MARCHF11: variants seen among roughly 807,000 people sequenced by gnomAD.
The protein encoded by MARCHF11 is membrane associated ring-CH-type finger 11.
In MARCHF11, 29 loss-of-function variants were observed where a neutral mutation model predicts 37.3. The observed-to-expected ratio is 0.78, with a 90% CI of 0.58 to 1.06. The LOEUF is 1.06. MARCHF11 is among the 50% of genes least tolerant of loss of function. The pLI is 0.00. For synonymous variants in MARCHF11, 233 were observed against 228.0 expected, an observed-to-expected ratio of 1.02 and a Z score of -0.20; for missense variants, 482 against 533.4, an observed-to-expected ratio of 0.90 and a Z score of 0.95.
At chr5:16,132,468 G>A (rs1737534007) in intron 2 of MARCHF11, among the ~76,000 whole-genome samples, 1 of 152,124 alleles carries the variant, frequency 6.6e-6, no homozygotes, top group African/African-American at 2.4e-5. Context: ...TGCCTGACAT[G>A]GCACAGTCAA....
chr5:16,122,563 T>C (rs1737328925), intron 2 of MARCHF11, among the ~76,000 whole-genome samples: 1 of 152,206 alleles, frequency 6.6e-6, no homozygotes, highest in South Asian at 2.1e-4. Context: ...CCACCTTGTC[T>C]TTCTATCTTA....
intron 2 of MARCHF11, among the ~76,000 whole-genome samples, chr5:16,096,502 T>C (rs929022583): frequency 5.9e-5 from 9 of 152,198 alleles, no homozygotes; most frequent in African/African-American, 1.9e-4. Flanking sequence ...TGGCCCAGAA[T>C]TGGGTATCTT....
intron 2 of MARCHF11, among the ~76,000 whole-genome samples, chr5:16,109,747 A>C (rs1285376464): frequency 6.6e-6 from 1 of 152,194 alleles, no homozygotes; most frequent in Non-Finnish European, 1.5e-5. Context: ...AAGTGGGGGC[A>C]GTCTTGTTGG....
At chr5:16,085,953 A>AT (rs1290372620) in intron 3 of MARCHF11, among the ~76,000 whole-genome samples, 3 of 132,820 alleles carry the variant, frequency 2.3e-5, no homozygotes, top group Non-Finnish European at 4.8e-5. Flanking sequence ...AAAAAAAAAA[A>AT]AAAAAAAAAA....
chr5:16,126,215 G>A (rs1362840240), intron 2 of MARCHF11, among the ~76,000 whole-genome samples: 1 of 152,092 alleles, frequency 6.6e-6, no homozygotes, highest in Non-Finnish European at 1.5e-5. Flanking sequence ...TTTAAGCTGG[G>A]GTAGTGAGTG....
chr5:16,096,091 T>C lies in MARCHF11; in HGVS notation c.694-5010A>G, dbSNP rs574124915. 2.6e-5 allele frequency among the ~76,000 whole-genome samples: 4 copies of C among 152,312 alleles called. No individual in the cohort carries two copies. In the East Asian group the frequency reaches 5.8e-4, roughly 22 times the overall value. ...GTTCTTTCTAAAATGCCCTTCTCTC[T>C]GCCTACTCTCTCTGCTCTCACTCCT... On this transcript the variant is annotated intron_variant, in intron 2 of 3. Coordinates refer to ENST00000332432, the MANE Select transcript of MARCHF11 (RefSeq NM_001102562.3).
intron 3 of MARCHF11, among the ~76,000 whole-genome samples, chr5:16,068,367 C>A (rs1736383463): frequency 6.6e-6 from 1 of 152,146 alleles, no homozygotes; most frequent in Non-Finnish European, 1.5e-5. Context: ...TGAATATTAT[C>A]CCATGTAGTA....
At position 16,179,370 on chromosome 5, in the gene MARCHF11, A is replaced by C; in HGVS notation, c.206T>G (p.Leu69Arg). 3.4e-6 allele frequency: 4 copies of C among 1,162,460 alleles called. No individual in the cohort carries two copies. The highest frequency in any genetic ancestry group is 4.0e-5 in the East Asian group (1 of 25,080). 72.0% of individuals were successfully genotyped at this position (1,162,460 alleles called of 1,614,324 possible). The change falls in exon 1 of 4, where the codon CTA becomes CGA. Residue 69 changes from leucine (L) to arginine (R), a missense_variant. Physicochemically the swap from Leu to Arg is moderately radical, Grantham distance 102. Coordinates refer to ENST00000332432, the MANE Select transcript of MARCHF11 (RefSeq NM_001102562.3). Reference protein sequence around the residue: ...PERAAGPSEPLGEVAPRCRGA... With the variant: ...PERAAGPSEPRGEVAPRCRGA... ...CCTGCACCGCGGGGCCACCTCCCCT[A>C]GCGGCTCGCTTGGCCCCGCGGCGCG...
intron 2 of MARCHF11, among the ~76,000 whole-genome samples, chr5:16,156,374 G>C (rs929275490): frequency 6.6e-6 from 1 of 151,848 alleles, no homozygotes; most frequent in African/African-American, 2.4e-5. Context: ...TACATAGTTA[G>C]CACCTTATTT....
At chr5:16,159,358 T>C (rs188772667) in intron 2 of MARCHF11, among the ~76,000 whole-genome samples, 132 of 152,036 alleles carry the variant, frequency 8.7e-4, no homozygotes, top group Middle Eastern at 3.4e-3. Flanking sequence ...CTTCTACCTT[T>C]TGCCACACTT....
intron 3 of MARCHF11, among the ~76,000 whole-genome samples, chr5:16,083,799 C>T (rs1356161640): frequency 6.6e-6 from 1 of 152,146 alleles, no homozygotes; most frequent in Non-Finnish European, 1.5e-5. Context: ...GATTTATTTA[C>T]TTAATTATGC....
At chr5:16,073,986 C>A (rs1420672831) in intron 3 of MARCHF11, among the ~76,000 whole-genome samples, 1 of 152,090 alleles carries the variant, frequency 6.6e-6, no homozygotes, top group Admixed American at 6.6e-5. Context: ...CCAAGATAGA[C>A]CATATGATAG....
chr5:16,099,654 G>A (rs1200743463), intron 2 of MARCHF11, among the ~76,000 whole-genome samples: 3 of 152,100 alleles, frequency 2.0e-5, no homozygotes, highest in African/African-American at 7.2e-5. Context: ...AAGTTAATCA[G>A]TATAATTTCA....
At chr5:16,127,502 C>A (rs1328259836) in intron 2 of MARCHF11, among the ~76,000 whole-genome samples, 3 of 152,110 alleles carry the variant, frequency 2.0e-5, no homozygotes, top group Admixed American at 2.0e-4. Context: ...AGATTTGCCC[C>A]CAAATCAACA....
At chr5:16,112,041 G>C (rs961190649) in intron 2 of MARCHF11, among the ~76,000 whole-genome samples, 2 of 152,212 alleles carry the variant, frequency 1.3e-5, no homozygotes, top group Non-Finnish European at 2.9e-5. Flanking sequence ...GAAGATGTAT[G>C]GAAATGCCTA....
chr5:16,096,328 C>A (rs530706445), intron 2 of MARCHF11, among the ~76,000 whole-genome samples: 12 of 152,156 alleles, frequency 7.9e-5, no homozygotes, highest in African/African-American at 2.9e-4. Context: ...AATTTTAACA[C>A]GAAGACGACA....
rs146296495 is a variant in MARCHF11, at chr5:16,102,079, G to A, written c.694-10998C>T. The stretch of plus-strand genomic sequence containing the variant: ...AATGTTCTTTATAAAATGACATTTG[G>A]TATATCTTAGAACAATTGTATGTTG... On this transcript the variant is annotated intron_variant, in intron 2 of 3. Transcript: ENST00000332432. Among the ~76,000 whole-genome samples the A allele has an allele frequency of 6.5e-3, 995 of 152,256 alleles. 3 individuals carry two copies. Among genetic ancestry groups the A allele is most frequent in the Non-Finnish European group, 9.5e-3 (649 of 68,024 alleles).
chr5:16,108,003 A>G lies in MARCHF11; in HGVS notation c.694-16922T>C, dbSNP rs188448488. 5.3e-3 allele frequency among the ~76,000 whole-genome samples: 803 copies of G among 152,282 alleles called. 8 individuals carry two copies. The highest frequency in any genetic ancestry group is 0.029 in the South Asian group (141 of 4,818). On this transcript the variant is annotated intron_variant, in intron 2 of 3. Coordinates refer to ENST00000332432, the MANE Select transcript of MARCHF11 (RefSeq NM_001102562.3). Reference sequence around the variant, plus strand: ...TCCTTCAAGTCCATGTGTGACCTGAATCTTCCATGACGCTGGACAAGAGCT... The same window carrying G: ...TCCTTCAAGTCCATGTGTGACCTGAGTCTTCCATGACGCTGGACAAGAGCT...
chr5:16,070,809 G>A (rs769762043), intron 3 of MARCHF11, among the ~76,000 whole-genome samples: 26 of 152,294 alleles, frequency 1.7e-4, no homozygotes, highest in Non-Finnish European at 2.8e-4. Context: ...AATTGCCGTA[G>A]GTTATGAACG....
Sources: allele counts gnomAD v4.1 joint callset (sites outside exome capture counted in the v4.1 genomes callset), GRCh38; gene constraint gnomAD v4.1.1; transcripts MANE v1.5; gene names NCBI Gene and HGNC (gene_info 2026-07-23, HGNC 2026-07-21).